Variants in TENM3 observed in about 807,000 individuals in gnomAD.
TENM3 encodes teneurin transmembrane protein 3.
Under a neutral mutation model 255.1 loss-of-function variants are expected in TENM3, and 63 were observed. That is an observed-to-expected ratio of 0.25 (90% CI 0.20 to 0.30). TENM3 has a LOEUF of 0.30. Among genes scored for constraint, TENM3 ranks in the 10% least tolerant of loss-of-function variants. The probability of loss-of-function intolerance (pLI) is 1.00; values close to 1 mark genes in which losing one functional copy is unlikely to be tolerated. For synonymous variants in TENM3, 1,306 were observed against 1,322.3 expected, an observed-to-expected ratio of 0.99 and a Z score of 0.27; for missense variants, 2,929 against 3,461.1, an observed-to-expected ratio of 0.85 and a Z score of 3.86.
chr4:182,613,136 T>C (rs1213113410), intron 4 of TENM3, among the ~76,000 whole-genome samples: 1 of 152,184 alleles, frequency 6.6e-6, no homozygotes, highest in Non-Finnish European at 1.5e-5. Flanking sequence ...AATAATTAAA[T>C]AGATGAAGTC....
chr4:182,780,318 T>C (rs1765066979), intron 24 of TENM3, among the ~76,000 whole-genome samples: 1 of 132,048 alleles, frequency 7.6e-6, no homozygotes, highest in African/African-American at 3.0e-5. Flanking sequence ...GGGGAATCCT[T>C]TCCCCATTGC....
At chr4:181,836,664 C>A in the TENM3 span, among the ~76,000 whole-genome samples, 1 of 152,130 alleles carries the variant, frequency 6.6e-6, no homozygotes, top group Admixed American at 6.6e-5. Flanking sequence ...TATCACCGTG[C>A]CTTAATAACT....
chr4:182,000,976 G>A, the TENM3 span, among the ~76,000 whole-genome samples: 7 of 147,198 alleles, frequency 4.8e-5, no homozygotes, highest in African/African-American at 1.2e-4. Flanking sequence ...AGCCCTGGCC[G>A]AAGCAGAGAA....
At chr4:181,598,290 C>A in the TENM3 span, among the ~76,000 whole-genome samples, 1 of 152,160 alleles carries the variant, frequency 6.6e-6, no homozygotes, top group Non-Finnish European at 1.5e-5. Flanking sequence ...GCTTCATAGT[C>A]ACAGTTTCAG....
At chr4:181,718,410 T>C in the TENM3 span, among the ~76,000 whole-genome samples, 1 of 152,300 alleles carries the variant, frequency 6.6e-6, no homozygotes, top group East Asian at 1.9e-4. Flanking sequence ...TCACCCAACG[T>C]TCAGTTTGAG....
chr4:182,621,281 A>G (rs1357955660), intron 4 of TENM3, among the ~76,000 whole-genome samples: 3 of 152,060 alleles, frequency 2.0e-5, no homozygotes, highest in Admixed American at 6.6e-5. Flanking sequence ...GTTTTAAAAT[A>G]TAGTGCACAG....
At chr4:182,561,567 G>T (rs1356212163) in intron 3 of TENM3, among the ~76,000 whole-genome samples, 2 of 151,936 alleles carry the variant, frequency 1.3e-5, no homozygotes, top group South Asian at 2.1e-4. Flanking sequence ...CTAAATGTTT[G>T]CACTGAAAGT....
the TENM3 span, among the ~76,000 whole-genome samples, chr4:181,811,837 G>T: frequency 6.6e-6 from 1 of 152,000 alleles, no homozygotes; most frequent in African/African-American, 2.4e-5. Flanking sequence ...ATTTCGGTGG[G>T]GACACAGAGC....
chr4:182,572,047 G>A (rs989545553), intron 3 of TENM3, among the ~76,000 whole-genome samples: 2 of 152,060 alleles, frequency 1.3e-5, no homozygotes, highest in Non-Finnish European at 2.9e-5. Context: ...GACTACAGGC[G>A]CCTGCCACCA....
chr4:182,588,423 TC>T (rs1746260185), intron 3 of TENM3, among the ~76,000 whole-genome samples: 1 of 152,196 alleles, frequency 6.6e-6, no homozygotes, highest in African/African-American at 2.4e-5. Context: ...TTATTTGCCT[TC>T]CACCCTGTCC....
At chr4:181,905,720 C>T in the TENM3 span, 1 of 219,882 alleles carries the variant, frequency 4.5e-6, no homozygotes, top group East Asian at 1.3e-4. Context: ...AACCACGGCT[C>T]ACCTTAAAAG....
chr4:182,684,751 G>A (rs1689640292), intron 11 of TENM3, among the ~76,000 whole-genome samples: 2 of 152,172 alleles, frequency 1.3e-5, no homozygotes, highest in South Asian at 4.1e-4. Context: ...CAATTCAGAG[G>A]AGCTTCCACA....
chr4:182,083,502 A>AC, the TENM3 span, among the ~76,000 whole-genome samples: 5 of 152,080 alleles, frequency 3.3e-5, no homozygotes. Flanking sequence ...TCAGTCTTGC[A>AC]TTTGCTTTTT....
the TENM3 span, among the ~76,000 whole-genome samples, chr4:181,596,234 A>G: frequency 6.6e-6 from 1 of 152,210 alleles, no homozygotes; most frequent in African/African-American, 2.4e-5. Flanking sequence ...AATAATATCT[A>G]TTTATTCCTA....
At chr4:181,855,957 AC>A in the TENM3 span, among the ~76,000 whole-genome samples, 1 of 145,914 alleles carries the variant, frequency 6.9e-6, no homozygotes, top group Admixed American at 7.0e-5. Flanking sequence ...GAAGGAAGGA[AC>A]AAAAGGAGGA....
At chr4:182,548,031 A>C (rs966492804) in intron 3 of TENM3, among the ~76,000 whole-genome samples, 1 of 152,068 alleles carries the variant, frequency 6.6e-6, no homozygotes, top group Non-Finnish European at 1.5e-5. Context: ...CAGCCTGGAC[A>C]ACAAAGTGAG....
intron 1 of TENM3, among the ~76,000 whole-genome samples, chr4:182,304,145 A>G (rs1761998806): frequency 6.6e-6 from 1 of 152,088 alleles, no homozygotes; most frequent in Non-Finnish European, 1.5e-5. Context: ...GTCAAAGAAA[A>G]TGAGCTAAAT....
the TENM3 span, among the ~76,000 whole-genome samples, chr4:181,507,258 A>C: frequency 6.6e-6 from 1 of 152,210 alleles, no homozygotes; most frequent in Non-Finnish European, 1.5e-5. Context: ...TGGGGAGAAG[A>C]AGCTAACATC....
the TENM3 span, among the ~76,000 whole-genome samples, chr4:182,101,785 A>G: frequency 6.6e-6 from 1 of 152,230 alleles, no homozygotes; most frequent in Non-Finnish European, 1.5e-5. Flanking sequence ...TCTCACCACA[A>G]AAATATGGCA....
Sources: gnomAD v4.1 joint callset for allele counts (sites outside exome capture counted in the v4.1 genomes callset) on GRCh38, gnomAD v4.1.1 for gene constraint, MANE v1.5 for transcripts, NCBI Gene and HGNC (gene_info 2026-07-23, HGNC 2026-07-21) for gene names.